CNTN5: variants seen among roughly 807,000 people sequenced by gnomAD.
CNTN5 encodes the protein contactin 5, also known as contactin-5.
CNTN5 carries 77 observed loss-of-function variants against 129.1 expected under a neutral mutation model. The ratio of observed to expected loss-of-function variants is 0.60; its 90% CI spans 0.50 to 0.72. The LOEUF is 0.72. Ranked by LOEUF, CNTN5 falls within the 30% of genes least tolerant of loss-of-function variation. CNTN5 has a pLI of 0.00. For synonymous variants in CNTN5, 509 were observed against 465.6 expected (o/e 1.09, Z -1.20); for missense variants, 1,478 against 1,328.8 (o/e 1.11, Z -1.75).
At chr11:99,324,113 A>G (rs1768178032) in intron 1 of CNTN5, among the ~76,000 whole-genome samples, 1 of 152,202 alleles carries the variant, frequency 6.6e-6, no homozygotes, top group African/African-American at 2.4e-5. Context: ...TTTAACAAAA[A>G]TGTCAATTTC....
intron 1 of CNTN5, among the ~76,000 whole-genome samples, chr11:99,130,295 A>T (rs4450140): frequency 0.73 from 110,955 of 152,004 alleles, 40,822 homozygotes; most frequent in Middle Eastern, 0.76. Context: ...GAAAGAAGAA[A>T]AAAACAGGAG....
At chr11:99,681,772 G>T (rs1340917877) in intron 3 of CNTN5, among the ~76,000 whole-genome samples, 1 of 151,758 alleles carries the variant, frequency 6.6e-6, no homozygotes, top group Non-Finnish European at 1.5e-5. Context: ...TGATCCCTTA[G>T]ATCTATATAT....
At chr11:99,037,613 C>G (rs1863808048) in intron 1 of CNTN5, among the ~76,000 whole-genome samples, 1 of 137,954 alleles carries the variant, frequency 7.2e-6, no homozygotes, top group Non-Finnish European at 1.5e-5. Flanking sequence ...TGGAGTCTCG[C>G]TCTCTTACCC....
chr11:99,991,047 C>T (rs1305364330), intron 8 of CNTN5, among the ~76,000 whole-genome samples: 3 of 152,310 alleles, frequency 2.0e-5, no homozygotes, highest in South Asian at 2.1e-4. Flanking sequence ...ATATCTCACA[C>T]ATAGCACAAT....
intron 1 of CNTN5, among the ~76,000 whole-genome samples, chr11:99,271,535 A>G (rs1253688250): frequency 6.6e-6 from 1 of 151,864 alleles, no homozygotes; most frequent in African/African-American, 2.4e-5. Context: ...TTCATAGCCT[A>G]AAGCATCATA....
intron 13 of CNTN5, among the ~76,000 whole-genome samples, chr11:100,164,500 T>A (rs1186821612): frequency 6.6e-6 from 1 of 151,666 alleles, no homozygotes; most frequent in Non-Finnish European, 1.5e-5. Flanking sequence ...TATACCTAGG[T>A]GAATTAGAAA....
chr11:99,830,393 C>G (rs954637300), intron 4 of CNTN5, among the ~76,000 whole-genome samples: 1 of 152,024 alleles, frequency 6.6e-6, no homozygotes, highest in Non-Finnish European at 1.5e-5. Flanking sequence ...GTCTTCAGTA[C>G]TTTTGGCTAA....
At chr11:99,931,404 A>G (rs910798708) in intron 7 of CNTN5, among the ~76,000 whole-genome samples, 1 of 152,216 alleles carries the variant, frequency 6.6e-6, no homozygotes, top group East Asian at 1.9e-4. Flanking sequence ...ATAAGGAAAA[A>G]GACTTAGAAC....
chr11:99,265,647 T>G (rs957583822), intron 1 of CNTN5, among the ~76,000 whole-genome samples: 5 of 151,986 alleles, frequency 3.3e-5, no homozygotes, highest in Non-Finnish European at 5.9e-5. Flanking sequence ...TTTCAGTAAT[T>G]TATGTGAAAT....
intron 2 of CNTN5, among the ~76,000 whole-genome samples, chr11:99,339,897 CAAAATCATTTTTTAG>C (rs1866431220): frequency 6.6e-6 from 1 of 150,378 alleles, no homozygotes; most frequent in African/African-American, 2.4e-5. Context: ...AGGATAAAAC[CAAAATCATTTTTTAG>C]AAAAAAAAAA....
chr11:99,201,807 C>T (rs1488841633), intron 1 of CNTN5, among the ~76,000 whole-genome samples: 1 of 152,100 alleles, frequency 6.6e-6, no homozygotes, highest in Non-Finnish European at 1.5e-5. Context: ...GAGCAAAGGG[C>T]AAGGAAATGG....
intron 1 of CNTN5, among the ~76,000 whole-genome samples, chr11:99,248,192 T>A (rs1451786047): frequency 6.6e-6 from 1 of 152,308 alleles, no homozygotes; most frequent in African/African-American, 2.4e-5. Context: ...TGGTTTTGAT[T>A]TGCATTTCTC....
intron 3 of CNTN5, among the ~76,000 whole-genome samples, chr11:99,671,072 C>G (rs1031434984): frequency 1.3e-5 from 2 of 151,972 alleles, no homozygotes; most frequent in African/African-American, 2.4e-5. Flanking sequence ...CACGTGCTCT[C>G]TCTCGCTTTC....
intron 4 of CNTN5, among the ~76,000 whole-genome samples, chr11:99,827,889 G>A (rs1424912684): frequency 6.6e-6 from 1 of 152,048 alleles, no homozygotes; most frequent in Non-Finnish European, 1.5e-5. Context: ...TGTAGAATAG[G>A]ATTACTACTG....
intron 3 of CNTN5, among the ~76,000 whole-genome samples, chr11:99,630,496 C>T (rs1565367500): frequency 1.3e-5 from 2 of 151,910 alleles, no homozygotes; most frequent in East Asian, 1.9e-4. Flanking sequence ...TCTTTCACCA[C>T]CCCGCACCCC....
chr11:100,107,488 CT>C (rs10630943), intron 13 of CNTN5, among the ~76,000 whole-genome samples: 5,410 of 130,412 alleles, frequency 0.041, 129 homozygotes, highest in African/African-American at 0.095. Context: ...CTATAGTATT[CT>C]TTTTTTTTTT....
chr11:99,929,396 C>G (rs2136068541), intron 7 of CNTN5, among the ~76,000 whole-genome samples: 1 of 152,288 alleles, frequency 6.6e-6, no homozygotes, highest in Non-Finnish European at 1.5e-5. Context: ...GGTATCCTTT[C>G]AGCAGTGCCC....
chr11:99,408,503 A>AAAGTAAGT (rs1555137946), intron 2 of CNTN5, among the ~76,000 whole-genome samples: 5 of 144,848 alleles, frequency 3.5e-5, no homozygotes, highest in Admixed American at 2.8e-4. Flanking sequence ...AGAAAGAAAG[A>AAAGTAAGT]AAGTTAGTTC....
chr11:99,409,070 CTAAT>C (rs1392888398), intron 2 of CNTN5, among the ~76,000 whole-genome samples: 3 of 152,142 alleles, frequency 2.0e-5, no homozygotes, highest in Non-Finnish European at 2.9e-5. Context: ...TGTAAGTAAT[CTAAT>C]TATGTGGCCA....
Sources: gnomAD v4.1 joint callset for allele counts (sites outside exome capture counted in the v4.1 genomes callset) on GRCh38, gnomAD v4.1.1 for gene constraint, MANE v1.5 for transcripts, NCBI Gene and HGNC (gene_info 2026-07-23, HGNC 2026-07-21) for gene names.